BBS9: variants seen among roughly 807,000 people sequenced by gnomAD.
BBS9 encodes Bardet-Biedl syndrome 9.
Under a neutral mutation model 117.7 loss-of-function variants are expected in BBS9, and 89 were observed. The observed-to-expected ratio is 0.76, with a 90% CI of 0.64 to 0.90. The LOEUF (loss-of-function observed/expected upper bound fraction) is 0.90. Among genes scored for constraint, BBS9 ranks in the 40% least tolerant of loss-of-function variants. The pLI, the probability that BBS9 is intolerant of heterozygous loss-of-function variation, is 0.00. For missense variants in BBS9, 982 were observed against 1,042.2 expected, an observed-to-expected ratio of 0.94 and a Z score of 0.80; for synonymous variants, 379 against 370.9, an observed-to-expected ratio of 1.02 and a Z score of -0.25.
In BBS9 at chr7:33,351,275, C is replaced by T; in HGVS notation, c.1489C>T (p.Pro497Ser). The stretch of plus-strand genomic sequence containing the variant: ...TGTTTATCTGAAAAGAAGTTATACA[C>T]CATCAGAATTGGAAGGAAATGCTGT... The part of the protein sequence containing the change: ...FSVYLKRSYT[P>S]SELEGNAVVS... The change falls in exon 14 of 23, where the codon CCA (proline) becomes TCA (serine). Residue 497 changes from proline (P) to serine (S), a missense_variant. By Grantham distance (74) the Pro-to-Ser change is moderately conservative. Coordinates refer to ENST00000242067, the MANE Select transcript of BBS9 (RefSeq NM_198428.3). 6.2e-7 allele frequency: 1 copy of T among 1,613,302 alleles called. No homozygotes were observed.
chr7:33,207,825 T>G (rs1009522245), intron 5 of BBS9, among the ~76,000 whole-genome samples: 1 of 152,096 alleles, frequency 6.6e-6, no homozygotes, highest in Non-Finnish European at 1.5e-5. Flanking sequence ...TTTTTTTTTT[T>G]GAGATAGAGT....
chr7:33,489,120 G>A (rs1031819701), intron 19 of BBS9, among the ~76,000 whole-genome samples: 1 of 151,074 alleles, frequency 6.6e-6, no homozygotes, highest in Non-Finnish European at 1.5e-5. Flanking sequence ...AGCCTCCCGA[G>A]TAGCTGGGAT....
At chr7:33,275,140 CAG>C (rs1179544620) in intron 9 of BBS9, among the ~76,000 whole-genome samples, 4 of 151,790 alleles carry the variant, frequency 2.6e-5, no homozygotes, top group African/African-American at 9.7e-5. Context: ...ATATTTGCAT[CAG>C]TGTTTTATCT....
intron 19 of BBS9, among the ~76,000 whole-genome samples, chr7:33,388,892 A>T (rs1159979805): frequency 6.6e-6 from 1 of 152,102 alleles, no homozygotes; most frequent in Non-Finnish European, 1.5e-5. Context: ...TCACAATGTT[A>T]CTCTCCTGTT....
chr7:33,294,944 T>C (rs537298039), intron 9 of BBS9, among the ~76,000 whole-genome samples: 1 of 152,214 alleles, frequency 6.6e-6, no homozygotes, highest in African/African-American at 2.4e-5. Flanking sequence ...GTAAACTTGC[T>C]CTAGTTGGAA....
At chr7:33,494,930 C>T (rs1198915155) in intron 19 of BBS9, among the ~76,000 whole-genome samples, 3 of 152,212 alleles carry the variant, frequency 2.0e-5, no homozygotes, top group South Asian at 2.1e-4. Context: ...CAGCTCTCCT[C>T]ATTGCCTTTT....
At chr7:33,287,659 C>A (rs537305440) in intron 9 of BBS9, among the ~76,000 whole-genome samples, 5 of 152,030 alleles carry the variant, frequency 3.3e-5, no homozygotes, top group African/African-American at 1.2e-4. Context: ...AATCCACTGA[C>A]TTTTGTTCCC....
intron 5 of BBS9, among the ~76,000 whole-genome samples, chr7:33,246,298 T>G (rs1795316429): frequency 6.7e-6 from 1 of 149,688 alleles, no homozygotes; most frequent in Non-Finnish European, 1.5e-5. Context: ...CTTTAGTTGT[T>G]TTTTTTTTTT....
At chr7:33,209,093 C>A (rs958045683) in intron 5 of BBS9, among the ~76,000 whole-genome samples, 1 of 152,134 alleles carries the variant, frequency 6.6e-6, no homozygotes, top group Admixed American at 6.5e-5. Context: ...ACCTCCCCAT[C>A]CCCCAACTAC....
chr7:33,581,076 T>G lies in BBS9; in HGVS notation c.2522-23789T>G, dbSNP rs567668330. On this transcript the variant is annotated intron_variant, in intron 21 of 22. Transcript: ENST00000242067. ...AAAGGTGTGTATTTTGTGTGTATTT[T>G]TGTGTGTGTGTGTGTGTGTGAGAGA... is the stretch of plus-strand genomic sequence containing the variant. Among the ~76,000 whole-genome samples the G allele has an allele frequency of 8.7e-4, 127 of 145,166 alleles. 1 individual carries two copies. Among genetic ancestry groups the G allele is most frequent in the African/African-American group, 2.8e-3 (105 of 37,370 alleles).
chr7:33,311,414 T>C (rs1406780585), intron 9 of BBS9, among the ~76,000 whole-genome samples: 2 of 152,206 alleles, frequency 1.3e-5, no homozygotes, highest in Admixed American at 1.3e-4. Context: ...CCTTTTTTAC[T>C]ATCTTGCTTT....
At chr7:33,467,566 A>C (rs201748704) in intron 19 of BBS9, among the ~76,000 whole-genome samples, 2,813 of 16,400 alleles carry the variant, frequency 0.17, 101 homozygotes, top group African/African-American at 0.42. Context: ...GGAACCCCCC[A>C]ACTCCGCCAC....
chr7:33,548,820 A>G (rs1475288288), intron 21 of BBS9, among the ~76,000 whole-genome samples: 2 of 150,632 alleles, frequency 1.3e-5, no homozygotes, highest in African/African-American at 4.9e-5. Flanking sequence ...ATGGGTAGGA[A>G]GAATCAATAT....
intron 6 of BBS9, among the ~76,000 whole-genome samples, chr7:33,262,352 A>G (rs116378741): frequency 0.011 from 1,644 of 152,264 alleles, 26 homozygotes; most frequent in African/African-American, 0.038. Context: ...ATGAATATCT[A>G]TATTATCCCT....
At position 33,427,620 on chromosome 7, in the gene BBS9, C is replaced by T. The variant is rs529463207; in HGVS notation, c.2115+39476C>T. On this transcript the variant is annotated intron_variant, in intron 19 of 22. Coordinates refer to ENST00000242067, the MANE Select transcript of BBS9 (RefSeq NM_198428.3). ...AAATGGTGCTGGATTATTAGTTTTA[C>T]AGTTCTTGTACATTTAGGGAAAGAA... Among the ~76,000 whole-genome samples, 8 of 152,266 alleles carry T rather than the reference C, an allele frequency of 5.3e-5. No individual in the cohort carries two copies. The South Asian group carries it at 1.4e-3, about 28-fold the overall frequency.
intron 21 of BBS9, among the ~76,000 whole-genome samples, chr7:33,633,766 A>T (rs1046052047): frequency 2.0e-5 from 3 of 152,078 alleles, no homozygotes; most frequent in African/African-American, 7.2e-5. Context: ...TCCTGTAATT[A>T]TCTTGGGTTA....
At chr7:33,185,962 C>T (rs1022788001) in intron 5 of BBS9, among the ~76,000 whole-genome samples, 1 of 152,258 alleles carries the variant, frequency 6.6e-6, no homozygotes, top group African/African-American at 2.4e-5. Context: ...GGCAAGAAAT[C>T]ACTAATGGAG....
chr7:33,562,017 A>T (rs1856160036), intron 21 of BBS9, among the ~76,000 whole-genome samples: 1 of 152,240 alleles, frequency 6.6e-6, no homozygotes, highest in East Asian at 1.9e-4. Flanking sequence ...CCTTTTAGGA[A>T]TAATCCTGGG....
At chr7:33,475,571 C>T (rs1262659869) in intron 19 of BBS9, among the ~76,000 whole-genome samples, 3 of 151,700 alleles carry the variant, frequency 2.0e-5, no homozygotes, top group African/African-American at 7.3e-5. Flanking sequence ...CACTAGATGC[C>T]AGTAGCCACC....
Sources: allele counts gnomAD v4.1 joint callset (sites outside exome capture counted in the v4.1 genomes callset), GRCh38; gene constraint gnomAD v4.1.1; transcripts MANE v1.5; gene names NCBI Gene and HGNC (gene_info 2026-07-23, HGNC 2026-07-21).